Variants in PSD3 observed in about 807,000 individuals in gnomAD.
The protein encoded by PSD3 is PH and SEC7 domain-containing protein 3.
A neutral mutation model predicts 105.5 loss-of-function variants in PSD3; 49 were observed. That is an observed-to-expected ratio of 0.46 (90% CI 0.37 to 0.59). PSD3 has a LOEUF of 0.59. PSD3 is among the 20% of genes least tolerant of loss of function. The pLI is 0.00. For synonymous variants in PSD3, 557 were observed against 457.8 expected (o/e 1.22, Z -2.77); for missense variants, 1,561 against 1,263.8 (o/e 1.24, Z -3.57).
At chr8:18,897,692 T>C (rs1015636695) in intron 2 of PSD3, among the ~76,000 whole-genome samples, 2 of 152,214 alleles carry the variant, frequency 1.3e-5, no homozygotes, top group Non-Finnish European at 2.9e-5. Context: ...ATCAGTGTTT[T>C]ATAGTTTTCC....
At chr8:18,847,123 C>G (rs924991035) in intron 4 of PSD3, among the ~76,000 whole-genome samples, 9 of 152,130 alleles carry the variant, frequency 5.9e-5, no homozygotes, top group Non-Finnish European at 1.2e-4. Flanking sequence ...GCTGCTGAGG[C>G]GCACACTTCT....
intron 1 of PSD3, among the ~76,000 whole-genome samples, chr8:19,021,118 A>G (rs893722587): frequency 1.3e-5 from 2 of 152,236 alleles, no homozygotes; most frequent in African/African-American, 4.8e-5. Flanking sequence ...ATGCTCAGAA[A>G]TTAGGGAGAT....
intron 2 of PSD3, among the ~76,000 whole-genome samples, chr8:18,899,173 C>T (rs1440297961): frequency 6.6e-6 from 1 of 152,144 alleles, no homozygotes. Context: ...TTTTGAAGCA[C>T]TCATCTCCAG....
intron 9 of PSD3, among the ~76,000 whole-genome samples, chr8:18,761,396 A>T (rs1367216994): frequency 2.6e-5 from 4 of 152,222 alleles, no homozygotes; most frequent in Non-Finnish European, 5.9e-5. Flanking sequence ...ACTTTAGGCT[A>T]AGTAAAATAA....
At chr8:18,954,676 T>C (rs1823452049) in intron 1 of PSD3, among the ~76,000 whole-genome samples, 1 of 152,136 alleles carries the variant, frequency 6.6e-6, no homozygotes, top group African/African-American at 2.4e-5. Flanking sequence ...TTGTCTAGCT[T>C]CAAGTCCAGT....
intron 2 of PSD3, among the ~76,000 whole-genome samples, chr8:18,918,910 T>C (rs888578409): frequency 6.6e-6 from 1 of 152,088 alleles, no homozygotes; most frequent in Non-Finnish European, 1.5e-5. Context: ...GGGAAGACTA[T>C]CTGGTCTTGC....
chr8:18,886,809 C>T (rs1187090238), intron 2 of PSD3: 6 of 152,272 alleles, frequency 3.9e-5, no homozygotes, highest in Admixed American at 3.9e-4. Context: ...AATGGAAGCA[C>T]TTTGAGCACT....
chr8:19,075,179 T>A (rs1221082000), intron 1 of PSD3, among the ~76,000 whole-genome samples: 1 of 150,290 alleles, frequency 6.7e-6, no homozygotes, highest in Non-Finnish European at 1.5e-5. Context: ...AACTCCGGAC[T>A]TCAAGTGATC....
At chr8:18,733,191 A>C (rs1803896295) in intron 9 of PSD3, 1 of 152,210 alleles carries the variant, frequency 6.6e-6, no homozygotes, top group Non-Finnish European at 1.5e-5. Flanking sequence ...AAATGCTACA[A>C]GGATTTGGTA....
At chr8:18,920,700 T>C (rs914203940) in intron 2 of PSD3, among the ~76,000 whole-genome samples, 1 of 152,180 alleles carries the variant, frequency 6.6e-6, no homozygotes, top group Non-Finnish European at 1.5e-5. Flanking sequence ...AACAGGACAT[T>C]CGAGGCCATA....
At chr8:18,754,260 T>C (rs1805841232) in intron 9 of PSD3, among the ~76,000 whole-genome samples, 1 of 152,024 alleles carries the variant, frequency 6.6e-6, no homozygotes, top group Non-Finnish European at 1.5e-5. Flanking sequence ...GGCGGATGCC[T>C]GTAATCCCAA....
At chr8:18,644,281 G>A (rs143960119) in intron 10 of PSD3, among the ~76,000 whole-genome samples, 19 of 152,194 alleles carry the variant, frequency 1.2e-4, no homozygotes, top group East Asian at 3.9e-4. Flanking sequence ...TTTAATTATC[G>A]TTCTATCTTT....
chr8:18,647,692 G>C (rs376697430), intron 10 of PSD3, among the ~76,000 whole-genome samples: 19 of 145,670 alleles, frequency 1.3e-4, no homozygotes, highest in African/African-American at 4.9e-4. Flanking sequence ...GGAGTGATTT[G>C]GTTTGGATCT....
chr8:18,621,776 G>C (rs1302915401), intron 11 of PSD3, among the ~76,000 whole-genome samples: 1 of 152,176 alleles, frequency 6.6e-6, no homozygotes, highest in African/African-American at 2.4e-5. Flanking sequence ...ATAATTGCTT[G>C]GCTTTGCCTG....
rs543641455 is a variant in PSD3, at chr8:18,589,908, C to T, written c.2481+10456G>A. ...GCGTCTGAGGTGATGGTGATCCTTG[C>T]CTTCCGTTCTTACTTAAACATCTGT... On this transcript the variant is annotated intron_variant, in intron 12 of 15. Coordinates refer to ENST00000327040, the MANE Select transcript of PSD3 (RefSeq NM_015310.4). Among the ~76,000 whole-genome samples the T allele has an allele frequency of 3.9e-5, 6 of 152,296 alleles. No individual in the cohort carries two copies. The South Asian group carries it at 6.2e-4, about 16-fold the overall frequency.
intron 2 of PSD3, among the ~76,000 whole-genome samples, chr8:18,879,755 T>G (rs1304833469): frequency 2.0e-5 from 3 of 152,276 alleles, no homozygotes; most frequent in Non-Finnish European, 1.5e-5. Flanking sequence ...CTCACCCGGC[T>G]AATTTTTTTA....
chr8:18,922,005 T>C (rs903459554), intron 2 of PSD3, among the ~76,000 whole-genome samples: 1 of 152,232 alleles, frequency 6.6e-6, no homozygotes, highest in Non-Finnish European at 1.5e-5. Flanking sequence ...TAATAAAACA[T>C]TGGTTAGACC....
rs113338668 is a variant in PSD3, at chr8:18,575,000, T to G, written c.2639+128A>C. On this transcript the variant is annotated intron_variant, in intron 13 of 15. Transcript: ENST00000327040. The stretch of plus-strand genomic sequence containing the variant: ...TCTTCTTAGGCAGTTATTTCTCTAA[T>G]GTAAGCAGTTGATGACTTTGATTCC... 606 of 889,282 alleles carry G rather than the reference T, an allele frequency of 6.8e-4. 3 individuals are homozygous for G. Among genetic ancestry groups the G allele is most frequent in the Non-Finnish European group, 1.5e-4 (96 of 620,566 alleles). 55.1% of individuals were successfully genotyped at this position (889,282 alleles called of 1,614,324 possible).
At chr8:19,079,921 G>C (rs141713730) in intron 1 of PSD3, among the ~76,000 whole-genome samples, 94 of 141,438 alleles carry the variant, frequency 6.6e-4, no homozygotes, top group African/African-American at 2.3e-3. Flanking sequence ...ACAGAGTCTA[G>C]CTCTGTCATC....
Sources: allele counts gnomAD v4.1 joint callset (sites outside exome capture counted in the v4.1 genomes callset), GRCh38; gene constraint gnomAD v4.1.1; transcripts MANE v1.5; gene names NCBI Gene and HGNC (gene_info 2026-07-23, HGNC 2026-07-21).